The following PBRM1 variants were observed in gnomAD, a reference collection of about 807,000 sequenced individuals.
PBRM1 encodes the protein polybromo 1.
Under a neutral mutation model 194.5 loss-of-function variants are expected in PBRM1, and 27 were observed. The ratio of observed to expected loss-of-function variants is 0.14; its 90% confidence interval spans 0.10 to 0.19. The LOEUF (loss-of-function observed/expected upper bound fraction) is 0.19. Ranked by LOEUF, PBRM1 falls within the 10% of genes least tolerant of loss-of-function variation. PBRM1 has a pLI of 1.00. For synonymous variants in PBRM1, 655 were observed against 693.2 expected (o/e 0.94, Z 0.87); for missense variants, 1,466 against 2,077.2 (o/e 0.71, Z 5.72).
At chr3:52,562,537 C>CTT (rs61349809) in intron 24 of PBRM1, among the ~76,000 whole-genome samples, 31 of 108,172 alleles carry the variant, frequency 2.9e-4, no homozygotes, top group African/African-American at 7.9e-4. Flanking sequence ...TGAGAAAATT[C>CTT]TTTTTTTTTT....
chr3:52,586,228 T>G (rs769495858), intron 20 of PBRM1, 197 bp downstream of exon 22: 1 of 507,800 alleles, frequency 2.0e-6, no homozygotes, highest in Non-Finnish European at 3.4e-6. Context: ...ACCAATGCAC[T>G]TGGCCTGATT....
intron 17 of PBRM1, among the ~76,000 whole-genome samples, chr3:52,590,411 A>G (rs947553332): frequency 2.0e-5 from 3 of 151,970 alleles, no homozygotes; most frequent in Non-Finnish European, 4.4e-5. Context: ...AGCCAAGATC[A>G]GGCCACTGCA....
chr3:52,677,826 G>C (rs1261915056), intron 2 of PBRM1, among the ~76,000 whole-genome samples: 1 of 152,034 alleles, frequency 6.6e-6, no homozygotes, highest in Non-Finnish European at 1.5e-5. Context: ...ACCTCCCAAA[G>C]TGGTGGGATT....
intron 7 of PBRM1, among the ~76,000 whole-genome samples, chr3:52,645,192 A>C (rs1022658511): frequency 1.3e-5 from 2 of 152,196 alleles, no homozygotes; most frequent in African/African-American, 4.8e-5. Context: ...TTCCTTTTCC[A>C]TATTAATGAA....
At chr3:52,639,734 ATTTT>A (rs59775901) in intron 10 of PBRM1, among the ~76,000 whole-genome samples, 7 of 141,262 alleles carry the variant, frequency 5.0e-5, no homozygotes, top group Middle Eastern at 3.6e-3. Flanking sequence ...TGCCTTAAAA[ATTTT>A]TTTTTTTTTT....
intron 17 of PBRM1, 28 bp downstream of exon 19, chr3:52,603,493 A>T: frequency 6.3e-7 from 1 of 1,574,902 alleles, no homozygotes. Flanking sequence ...GCATTTTTTC[A>T]TATTCAATAA....
Position 52,582,622 on chromosome 3 carries a change from C to T in PBRM1, c.3388-3423G>A, listed in dbSNP as rs564989728. On this transcript the variant is annotated intron_variant, in intron 20 of 29. Transcript: ENST00000296302. The stretch of plus-strand genomic sequence containing the variant: ...GATTACAGGTGTGAGCCACTGCACC[C>T]GACCGGATAATTCTGCTTTTAAAAG... Among the ~76,000 whole-genome samples, 101 of 151,880 alleles carry T rather than the reference C, an allele frequency of 6.6e-4. 1 individual carries two copies. The highest frequency in any genetic ancestry group is 1.7e-3 in the African/African-American group (71 of 41,450).
At chr3:52,660,265 T>C (rs1036809253) in intron 4 of PBRM1, among the ~76,000 whole-genome samples, 1 of 152,174 alleles carries the variant, frequency 6.6e-6, no homozygotes, top group East Asian at 1.9e-4. Flanking sequence ...CTGCAAGCAG[T>C]GTTCTACCGA....
rs1204210405 is a variant in PBRM1 at position 52,625,789 on chromosome 3, C to T, written c.1541+1484G>A. Among the ~76,000 whole-genome samples the T allele has an allele frequency of 2.6e-5, 4 of 152,054 alleles. No homozygotes were observed. In the East Asian group the frequency reaches 7.7e-4, roughly 29 times the overall value. On this transcript the variant is annotated intron_variant, in intron 13 of 29. Coordinates refer to ENST00000296302, the Ensembl canonical transcript of PBRM1. Reference sequence around the variant, plus strand: ...ATGAGGTTTCACCACGTTGTCCAGGCTGGTCTCGAAACTCCTGACCTCAAG... The same window carrying T: ...ATGAGGTTTCACCACGTTGTCCAGGTTGGTCTCGAAACTCCTGACCTCAAG...
exon 30 of PBRM1, chr3:52,548,036 CT>C: frequency 6.3e-7 from 1 of 1,590,132 alleles, no homozygotes; most frequent in Non-Finnish European, 8.6e-7. Context: ...CTTTATGCTT[CT>C]ATATAAAAGA....
upstream of PBRM1, chr3:52,681,810 T>C: frequency 1.5e-6 from 1 of 649,532 alleles, no homozygotes; most frequent in Non-Finnish European, 1.9e-6. Context: ...TCAGTGTTAG[T>C]ATATTCAAAA....
At position 52,615,579 on chromosome 3, in the gene PBRM1, C is replaced by T. The variant is rs986595895; in HGVS notation, c.1819-123G>A. The T allele has an allele frequency of 1.1e-5, 7 of 632,116 alleles. No homozygotes were observed. The African/African-American group carries it at 1.3e-4, about 12-fold the overall frequency. The allele number at this position is 632,116 out of a possible 1,614,324, so 39.2% of individuals were successfully genotyped here. A position where few individuals can be genotyped will look rare whatever the true frequency, so the allele number is the denominator to read the frequency against. On this transcript the variant is annotated intron_variant, in intron 14 of 29. Transcript: ENST00000296302. ...GTTGGGAGCTTAAAGAAAACCAAAA[C>T]CAGCCTCACTACAGAGCAATAAAAT... is the stretch of plus-strand genomic sequence containing the variant.
chr3:52,684,867 A>C (rs1241346370), intron 1 of PBRM1: 1 of 152,254 alleles, frequency 6.6e-6, no homozygotes, highest in African/African-American at 2.4e-5. Flanking sequence ...TCTTCAAAAC[A>C]TATTTTCCAA....
At chr3:52,642,849 C>G (rs1194721035) in intron 9 of PBRM1, among the ~76,000 whole-genome samples, 1 of 150,728 alleles carries the variant, frequency 6.6e-6, no homozygotes, top group Non-Finnish European at 1.5e-5. Flanking sequence ...TGCTGTGCCA[C>G]GATGTCGGCT....
chr3:52,590,378 C>T (rs941713845), intron 17 of PBRM1, among the ~76,000 whole-genome samples: 3 of 152,002 alleles, frequency 2.0e-5, no homozygotes, highest in African/African-American at 7.2e-5. Flanking sequence ...ATCGCTTAAA[C>T]CTGGGAGGTG....
At chr3:52,647,429 G>GAAA (rs71637569) in intron 7 of PBRM1, among the ~76,000 whole-genome samples, 10 of 44,496 alleles carry the variant, frequency 2.2e-4, no homozygotes, top group African/African-American at 2.6e-4. Flanking sequence ...GTATCAAAGA[G>GAAA]AAAAAAAAAA....
chr3:52,612,190 G>T (rs1354217023), intron 15 of PBRM1, among the ~76,000 whole-genome samples: 1 of 147,048 alleles, frequency 6.8e-6, no homozygotes, highest in East Asian at 2.0e-4. Flanking sequence ...AACCCAGGAG[G>T]CGGAGGTTGC....
intron 17 of PBRM1, 106 bp downstream of exon 19, chr3:52,603,415 C>G (rs2094138110): frequency 8.8e-7 from 1 of 1,140,114 alleles, no homozygotes; most frequent in Admixed American, 2.6e-5. Context: ...TAGTCAATAC[C>G]CTGAGTTTTC....
chr3:52,616,383 C>T (rs888803037), intron 14 of PBRM1, among the ~76,000 whole-genome samples: 5 of 152,058 alleles, frequency 3.3e-5, no homozygotes, highest in Admixed American at 2.0e-4. Flanking sequence ...TCAGTTACAA[C>T]GATAAAGAAC....
Sources: gnomAD v4.1 joint callset for allele counts (sites outside exome capture counted in the v4.1 genomes callset) on GRCh38, gnomAD v4.1.1 for gene constraint, MANE v1.5 for transcripts, NCBI Gene and HGNC (gene_info 2026-07-23, HGNC 2026-07-21) for gene names.